Variants in ADAMTS20 observed in about 807,000 individuals in gnomAD.
ADAMTS20 encodes the protein A disintegrin and metalloproteinase with thrombospondin motifs 20.
In ADAMTS20, 225 loss-of-function variants were observed where a neutral mutation model predicts 260.1. The observed-to-expected ratio is 0.87, with a 90% CI of 0.78 to 0.97. ADAMTS20 has a LOEUF of 0.97. Ranked by LOEUF, ADAMTS20 falls within the 50% of genes least tolerant of loss-of-function variation. The pLI is 0.00. For synonymous variants in ADAMTS20, 802 were observed against 769.5 expected (o/e 1.04, Z -0.70); for missense variants, 2,400 against 2,337.7 (o/e 1.03, Z -0.55).
chr12:43,433,462 TTAC>T (rs1941488173), intron 19 of ADAMTS20, among the ~76,000 whole-genome samples: 1 of 152,178 alleles, frequency 6.6e-6, no homozygotes, highest in Non-Finnish European at 1.5e-5. Flanking sequence ...GTGCTTCCTT[TTAC>T]TACTATGTAG....
At chr12:43,513,339 T>G (rs1942951049) in intron 3 of ADAMTS20, among the ~76,000 whole-genome samples, 1 of 152,184 alleles carries the variant, frequency 6.6e-6, no homozygotes, top group Non-Finnish European at 1.5e-5. Flanking sequence ...CACACTTCCC[T>G]TAAAAGCTGC....
rs1565549661 is a variant in ADAMTS20 at position 43,439,708 on chromosome 12, G to GA, written c.2506dup (p.Ser836PhefsTer11). 1 of 1,613,518 alleles carries GA rather than the reference G, an allele frequency of 6.2e-7. No individual in the cohort carries two copies. The highest frequency in any genetic ancestry group is 1.1e-5 in the South Asian group (1 of 91,046). On this transcript the variant is annotated frameshift_variant, in exon 18 of 39. Transcript: ENST00000389420. LOFTEE classifies it high-confidence loss of function. ...CCTCTCTTCCAAAGGGATATTGAAG[G>GA]AATAATGTACATCAGGGTTGTATAA...
intron 14 of ADAMTS20, among the ~76,000 whole-genome samples, chr12:43,451,923 C>T (rs933312627): frequency 6.6e-6 from 1 of 152,160 alleles, no homozygotes; most frequent in Non-Finnish European, 1.5e-5. Context: ...GAAAACATTA[C>T]TGTAGAAGCT....
At chr12:43,389,006 G>A (rs1275935041) in intron 29 of ADAMTS20, among the ~76,000 whole-genome samples, 1 of 152,158 alleles carries the variant, frequency 6.6e-6, no homozygotes, top group African/African-American at 2.4e-5. Flanking sequence ...CACCTTGGGG[G>A]ATAGAACTTC....
intron 31 of ADAMTS20, 44 bp from the exon 32 acceptor site, chr12:43,377,606 A>T: frequency 6.6e-7 from 1 of 1,514,124 alleles, no homozygotes; most frequent in African/African-American, 1.4e-5. Flanking sequence ...CATTAACTTT[A>T]GCCAGGGCCT....
At chr12:43,401,934 G>A (rs116849008) in intron 28 of ADAMTS20, among the ~76,000 whole-genome samples, 29 of 151,490 alleles carry the variant, frequency 1.9e-4, no homozygotes, top group Non-Finnish European at 3.7e-4. Context: ...TGACACATTC[G>A]CTCAAAAACA....
chr12:43,543,650 A>G (rs1943405935), intron 2 of ADAMTS20, among the ~76,000 whole-genome samples: 1 of 152,196 alleles, frequency 6.6e-6, no homozygotes, highest in Non-Finnish European at 1.5e-5. Flanking sequence ...CTCCTTATAG[A>G]CAAGATGAGT....
rs749709741 is a variant in ADAMTS20 at position 43,432,377 on chromosome 12, T to C, written c.3023A>G (p.Glu1008Gly). The change falls in exon 21 of 39, where the codon GAA becomes GGA. Residue 1008 changes from glutamate to glycine, a missense_variant. By Grantham distance (98) the Glu-to-Gly change is moderately conservative. Transcript: ENST00000389420. Reference sequence around the variant, plus strand: ...ATTCTCTCTCGTCACTCGGGACAGTTCTTGGCATTCATTGTCAGCAAGACG... The same window carrying C: ...ATTCTCTCTCGTCACTCGGGACAGTCCTTGGCATTCATTGTCAGCAAGACG... Reference protein sequence around the residue: ...GHRLADNECQELSRVTRENCN... With the variant: ...GHRLADNECQGLSRVTRENCN... 12 of 1,613,792 alleles carry C rather than the reference T, an allele frequency of 7.4e-6. No homozygotes were observed. Among genetic ancestry groups the C allele is most frequent in the Admixed American group, 5.0e-5 (3 of 59,980 alleles).
At chr12:43,546,555 T>C (rs551498743) in intron 2 of ADAMTS20, among the ~76,000 whole-genome samples, 3 of 152,248 alleles carry the variant, frequency 2.0e-5, no homozygotes, top group African/African-American at 7.2e-5. Context: ...TCCTGACAAG[T>C]ATATGCCAAC....
chr12:43,506,160 A>AAAAAG (rs1942838769), intron 3 of ADAMTS20, among the ~76,000 whole-genome samples: 1 of 151,730 alleles, frequency 6.6e-6, no homozygotes. Context: ...AACAACAACA[A>AAAAAG]AGGAAGGACA....
intron 18 of ADAMTS20, among the ~76,000 whole-genome samples, chr12:43,435,433 G>T (rs939256922): frequency 3.9e-5 from 6 of 151,918 alleles, no homozygotes; most frequent in African/African-American, 1.2e-4. Flanking sequence ...GAGGTCAGGA[G>T]ATCAAGACCA....
intron 11 of ADAMTS20, 123 bp downstream of exon 11, chr12:43,462,772 T>C: frequency 2.9e-6 from 2 of 697,218 alleles, no homozygotes; most frequent in Non-Finnish European, 4.8e-6. Context: ...AACATGGCAA[T>C]AACATTAATT....
At chr12:43,419,196 TGTTA>T (rs1357480287) in intron 28 of ADAMTS20, among the ~76,000 whole-genome samples, 1 of 152,158 alleles carries the variant, frequency 6.6e-6, no homozygotes, top group African/African-American at 2.4e-5. Flanking sequence ...CATAATCATA[TGTTA>T]GTTTATGTGT....
At position 43,432,460 on chromosome 12, in the gene ADAMTS20, C is replaced by G. The variant is rs749610750; in HGVS notation, c.2940G>C (p.Arg980Ser). 8.1e-6 allele frequency: 13 copies of G among 1,597,536 alleles called. No individual in the cohort carries two copies. In the South Asian group the frequency reaches 1.4e-4, roughly 17 times the overall value. ...WHYSEWSQCSRSCGGGERSRE... is the reference protein window; with the variant it reads ...WHYSEWSQCSSSCGGGERSRE... ...GAGACCTTTCCCCTCCTCCACAACT[C>G]CTGGAACACTGATTAAAAAAAAAAA... is the stretch of plus-strand genomic sequence containing the variant. The change falls in exon 21 of 39, where the codon AGG becomes AGC. Residue 980 changes from arginine to serine, a missense_variant. Coordinates refer to ENST00000389420, the MANE Select transcript of ADAMTS20 (RefSeq NM_025003.5).
chr12:43,502,386 G>A lies in ADAMTS20; in HGVS notation c.633C>T (p.Thr211=). 5 of 1,586,562 alleles carry A rather than the reference G, an allele frequency of 3.2e-6. No homozygotes were observed. Among genetic ancestry groups the A allele is most frequent in the Non-Finnish European group, 4.3e-6 (5 of 1,172,636 alleles). The change falls in exon 4 of 39, where the codon ACC becomes ACT. Residue 211 remains threonine (T), a synonymous_variant. Transcript: ENST00000389420. ...TGCTGTAGGTATGAAAGGGTAAACT[G>A]GTTTCCTTTATTTGACTTTCTAGGG... ...CSVSESQIKE[T]SLPFHTYSNM...
chr12:43,525,196 T>C (rs1943125358), intron 3 of ADAMTS20, among the ~76,000 whole-genome samples: 1 of 152,212 alleles, frequency 6.6e-6, no homozygotes, highest in South Asian at 2.1e-4. Context: ...GCAGAAACCT[T>C]GCAAGCAAGA....
intron 14 of ADAMTS20, 82 bp from the exon 15 acceptor site, chr12:43,446,794 A>T: frequency 8.6e-7 from 1 of 1,156,880 alleles, no homozygotes; most frequent in South Asian, 1.3e-5. Flanking sequence ...ATACAATCAG[A>T]TATGACAAAG....
chr12:43,513,056 TG>T, intron 3 of ADAMTS20, among the ~76,000 whole-genome samples: 1 of 152,316 alleles, frequency 6.6e-6, no homozygotes. Context: ...AGACAAGATT[TG>T]GATATAAAGG....
rs181984219 is a variant in ADAMTS20 at position 43,383,807 on chromosome 12, C to A, written c.4623G>T (p.Leu1541=). The change falls in exon 30 of 39, where the codon CTG becomes CTT. Residue 1541 remains leucine (L), a synonymous_variant. Transcript: ENST00000389420. ...VQHKGMERGR[L]NCSTSCERKD... ...AAATTTACATGTCGATACTCACATT[C>A]AGCCTCCCTCTTTCCATCCCCTTGT... 1.8e-5 allele frequency: 29 copies of A among 1,613,754 alleles called. No homozygotes were observed. The Admixed American group carries it at 4.7e-4, about 26-fold the overall frequency.
Sources: gnomAD v4.1 joint callset for allele counts (sites outside exome capture counted in the v4.1 genomes callset) on GRCh38, gnomAD v4.1.1 for gene constraint, MANE v1.5 for transcripts, NCBI Gene and HGNC (gene_info 2026-07-23, HGNC 2026-07-21) for gene names.